CDH2: variants seen among roughly 807,000 people sequenced by gnomAD.
CDH2 encodes cadherin-2.
In CDH2, 17 loss-of-function variants were observed where a neutral mutation model predicts 92.0. That is an observed-to-expected ratio of 0.18 (90% CI 0.13 to 0.28). CDH2 has a LOEUF of 0.28. Among genes scored for constraint, CDH2 ranks in the 10% least tolerant of loss-of-function variants. The probability of loss-of-function intolerance (pLI) is 1.00; values close to 1 mark genes in which losing one functional copy is unlikely to be tolerated. For missense variants in CDH2, 862 were observed against 1,133.1 expected (o/e 0.76, Z 3.44); for synonymous variants, 419 against 415.9 (o/e 1.01, Z -0.09).
chr18:28,132,382 T>A (rs1473325698), intron 2 of CDH2, among the ~76,000 whole-genome samples: 1 of 152,220 alleles, frequency 6.6e-6, no homozygotes, highest in Non-Finnish European at 1.5e-5. Context: ...TCTTTCCTTC[T>A]CTCCACTCTG....
At chr18:27,960,790 A>G (rs1190625256) in intron 15 of CDH2, among the ~76,000 whole-genome samples, 1 of 152,192 alleles carries the variant, frequency 6.6e-6, no homozygotes, top group African/African-American at 2.4e-5. Context: ...AAGAGATTGT[A>G]TTCTGGAAGT....
intron 2 of CDH2, among the ~76,000 whole-genome samples, chr18:28,058,371 G>A (rs2014336672): frequency 1.3e-5 from 2 of 152,140 alleles, no homozygotes; most frequent in African/African-American, 4.8e-5. Context: ...CAGTGGGAGG[G>A]ACCATAGAGT....
At chr18:28,141,415 C>G (rs2015951518) in intron 2 of CDH2, among the ~76,000 whole-genome samples, 1 of 151,914 alleles carries the variant, frequency 6.6e-6, no homozygotes, top group African/African-American at 2.4e-5. Context: ...GTGATGGAAG[C>G]ATTTTAGAAC....
At chr18:28,057,666 CAA>C (rs879732697) in intron 2 of CDH2, among the ~76,000 whole-genome samples, 16 of 98,008 alleles carry the variant, frequency 1.6e-4, no homozygotes, top group African/African-American at 1.1e-4. Context: ...GACTCTGTCT[CAA>C]AAAAAAAAAA....
rs933649548 is a variant in CDH2, at chr18:28,114,091, G to C, written c.172+33582C>G. On this transcript the variant is annotated intron_variant, in intron 2 of 15. Transcript: ENST00000269141. ...GAGGGATAGAGAGAGATTTGTTAAA[G>C]GATACAAAATTACGACTATATAGGA... 4.6e-4 allele frequency among the ~76,000 whole-genome samples: 70 copies of C among 152,070 alleles called. 1 individual carries two copies. The highest frequency in any genetic ancestry group is 1.6e-3 in the African/African-American group (65 of 41,512).
At chr18:28,058,421 C>CT (rs1377244004) in intron 2 of CDH2, among the ~76,000 whole-genome samples, 1 of 152,122 alleles carries the variant, frequency 6.6e-6, no homozygotes, top group African/African-American at 2.4e-5. Context: ...AGGACCTTGC[C>CT]TTGGTTCAAG....
At chr18:28,083,483 G>GA (rs772781962) in intron 2 of CDH2, among the ~76,000 whole-genome samples, 1 of 152,044 alleles carries the variant, frequency 6.6e-6, no homozygotes, top group Non-Finnish European at 1.5e-5. Context: ...ATTAAAATTT[G>GA]AAAAAGACCT....
chr18:28,063,608 T>C (rs1255554561), intron 2 of CDH2, among the ~76,000 whole-genome samples: 2 of 152,132 alleles, frequency 1.3e-5, no homozygotes, highest in Non-Finnish European at 2.9e-5. Flanking sequence ...CCCTTTCTCA[T>C]CAACATGCAA....
chr18:28,083,802 T>C (rs2014876246), intron 2 of CDH2, among the ~76,000 whole-genome samples: 1 of 152,216 alleles, frequency 6.6e-6, no homozygotes, highest in South Asian at 2.1e-4. Flanking sequence ...TAAGACTAGT[T>C]AGCCCCAGGC....
intron 1 of CDH2, among the ~76,000 whole-genome samples, chr18:28,166,925 ACT>A (rs1441061956): frequency 1.3e-5 from 2 of 151,986 alleles, no homozygotes; most frequent in Non-Finnish European, 1.5e-5. Context: ...CTCCTGGCAG[ACT>A]CTCAGATCTT....
chr18:28,035,796 T>C (rs2013811163), intron 2 of CDH2, among the ~76,000 whole-genome samples: 1 of 152,098 alleles, frequency 6.6e-6, no homozygotes, highest in Admixed American at 6.6e-5. Flanking sequence ...CATGCCTGAA[T>C]ATGTATGTCT....
chr18:27,955,759 C>CTTTTTTTTTTTTTTTTTTT (rs1219088194), intron 15 of CDH2, among the ~76,000 whole-genome samples: 2 of 25,936 alleles, frequency 7.7e-5, no homozygotes, highest in Non-Finnish European at 1.0e-4. Flanking sequence ...TTCTTTATTT[C>CTTTTTTTTTTTTTTTTTTT]TGTTTTTTTT....
In CDH2 at chr18:28,143,077, T is replaced by C. The variant is rs17536549; in HGVS notation, c.172+4596A>G. On this transcript the variant is annotated intron_variant, in intron 2 of 15. Transcript: ENST00000269141. The stretch of plus-strand genomic sequence containing the variant: ...CTAATCTAAATCAAATTCCATCTAG[T>C]TGAAAATAATCATCATGTGCTGCCC... 2.0e-3 allele frequency among the ~76,000 whole-genome samples: 301 copies of C among 152,180 alleles called. 2 individuals carry two copies. Among genetic ancestry groups the C allele is most frequent in the African/African-American group, 6.8e-3 (284 of 41,542 alleles).
At chr18:28,068,170 G>C (rs2014546275) in intron 2 of CDH2, among the ~76,000 whole-genome samples, 1 of 152,172 alleles carries the variant, frequency 6.6e-6, no homozygotes, top group Admixed American at 6.5e-5. Flanking sequence ...ATACAAATCA[G>C]CCTCCTGAAG....
At chr18:27,950,949 A>G (rs1909408268), downstream of CDH2, 2 of 152,600 alleles carry the variant, frequency 1.3e-5, no homozygotes, top group Non-Finnish European at 2.9e-5. Flanking sequence ...TAGAAAAGAA[A>G]AAGTTCAAAC....
intron 5 of CDH2, among the ~76,000 whole-genome samples, chr18:28,006,563 CA>C (rs577869215): frequency 1.4e-3 from 195 of 136,850 alleles, no homozygotes; most frequent in Middle Eastern, 3.8e-3. Flanking sequence ...ACTAAAAATA[CA>C]AAAAAAAAAA....
intron 5 of CDH2, among the ~76,000 whole-genome samples, chr18:28,007,038 G>T (rs986166887): frequency 6.6e-6 from 1 of 150,624 alleles, no homozygotes; most frequent in South Asian, 2.1e-4. Flanking sequence ...CTGGGTGCCT[G>T]TAATCCCAGC....
intron 1 of CDH2, among the ~76,000 whole-genome samples, chr18:28,154,570 C>T (rs766775406): frequency 2.8e-4 from 43 of 152,240 alleles, no homozygotes; most frequent in Non-Finnish European, 4.4e-4. Flanking sequence ...TGGTTCTGCA[C>T]TCGCAGGGAC....
At chr18:28,035,342 T>C (rs536974140) in intron 2 of CDH2, among the ~76,000 whole-genome samples, 2 of 152,196 alleles carry the variant, frequency 1.3e-5, no homozygotes, top group East Asian at 3.9e-4. Context: ...TACTACCTTT[T>C]GATAATTCTT....
Sources: allele counts gnomAD v4.1 joint callset (sites outside exome capture counted in the v4.1 genomes callset), GRCh38; gene constraint gnomAD v4.1.1; transcripts MANE v1.5; gene names NCBI Gene and HGNC (gene_info 2026-07-23, HGNC 2026-07-21).